Variants in TCEA3 observed in about 807,000 individuals in gnomAD.
The protein encoded by TCEA3 is transcription elongation factor A3, also known as transcription elongation factor A protein 3.
In TCEA3, 36 loss-of-function variants were observed where a neutral mutation model predicts 44.0. The observed-to-expected ratio is 0.82, with a 90% CI of 0.63 to 1.08. The LOEUF is 1.08. TCEA3 is among the 50% of genes least tolerant of loss of function. TCEA3 has a pLI of 0.00. For synonymous variants in TCEA3, 162 were observed against 159.7 expected, an observed-to-expected ratio of 1.01 and a Z score of -0.11; for missense variants, 392 against 441.2, an observed-to-expected ratio of 0.89 and a Z score of 1.00.
chr1:23,403,685 G>A (rs1333092061), intron 5 of TCEA3: 1 of 167,674 alleles, frequency 6.0e-6, no homozygotes, highest in East Asian at 1.6e-4. Context: ...AACTAGCAAA[G>A]GGTATAGTCA....
chr1:23,408,937 A>G (rs1443516681), intron 4 of TCEA3, among the ~76,000 whole-genome samples: 1 of 152,194 alleles, frequency 6.6e-6, no homozygotes, highest in African/African-American at 2.4e-5. Context: ...ATACAAGGGA[A>G]GGAAGTCGAT....
At position 23,387,313 on chromosome 1, in the gene TCEA3, T is replaced by C. The variant is rs369042101; in HGVS notation, c.926A>G (p.Gln309Arg). 177 of 1,614,000 alleles carry C rather than the reference T, an allele frequency of 1.1e-4. No homozygotes were observed. The highest frequency in any genetic ancestry group is 1.4e-4 in the Non-Finnish European group (170 of 1,179,878). ...GTTCTTCTTCTTGCATTTGCTGCAC[T>C]GGAAGAGGTCAGTGGTGGTGCCGCC... Reference protein sequence around the residue: ...KTGGTTTDLFQCSKCKKKNCT... With the variant: ...KTGGTTTDLFRCSKCKKKNCT... Residue 309 changes from glutamine (Q) to arginine (R), a missense_variant, in exon 9 of 11, where the codon CAG (glutamine) becomes CGG (arginine). Transcript: ENST00000450454.
intron 8 of TCEA3, among the ~76,000 whole-genome samples, chr1:23,392,402 A>ACCT (rs1639061906): frequency 3.3e-4 from 1 of 3,042 alleles, no homozygotes; most frequent in African/African-American, 2.1e-3. Flanking sequence ...CACACTCCAC[A>ACCT]CATCATCATG....
intron 10 of TCEA3, 153 bp downstream of exon 10, chr1:23,384,193 A>G: frequency 6.7e-7 from 1 of 1,489,322 alleles, no homozygotes; most frequent in South Asian, 1.4e-5. Context: ...CCCAACAGCA[A>G]TCCGCCACTA....
rs573124042 is a variant in TCEA3 at position 23,416,464 on chromosome 1, C to T, written c.380+785G>A. On this transcript the variant is annotated intron_variant, in intron 4 of 10. Transcript: ENST00000450454. ...ATTGTATAATACAGAAAGTAGAGAT[C>T]CTTTTAATTTATAATATATGTCTTG... Among the ~76,000 whole-genome samples the T allele has an allele frequency of 2.6e-5, 4 of 152,044 alleles. No individual in the cohort carries two copies. The East Asian group carries it at 7.7e-4, about 29-fold the overall frequency.
chr1:23,408,814 G>C (rs1459969995), intron 4 of TCEA3, 88 bp from the exon 5 acceptor site: 3 of 1,338,656 alleles, frequency 2.2e-6, no homozygotes, highest in Non-Finnish European at 2.1e-6. Flanking sequence ...CTGGGAAAAG[G>C]CCAGCTGGCT....
At chr1:23,386,920 C>CAGAGT (rs1638858095) in intron 9 of TCEA3, among the ~76,000 whole-genome samples, 1 of 152,150 alleles carries the variant, frequency 6.6e-6, no homozygotes, top group Admixed American at 6.5e-5. Flanking sequence ...CGGGGTTTCA[C>CAGAGT]CGTGTTTGCC....
chr1:23,402,578 C>A (rs1639430946), intron 5 of TCEA3, among the ~76,000 whole-genome samples: 1 of 152,236 alleles, frequency 6.6e-6, no homozygotes, highest in African/African-American at 2.4e-5. Flanking sequence ...TCTCAGCTCG[C>A]ATGAGGGAGG....
chr1:23,417,929 A>C lies in TCEA3; in HGVS notation c.213T>G (p.Leu71=). ...DKEVVSLAKV[L]IKNWKRLLDS... ...CTAGCAGCCGCTTCCAGTTTTTGAT[A>C]AGGACTTTGGCCAAGGACACCACCT... Residue 71 remains leucine, a synonymous_variant, in exon 3 of 11, where the codon CTT becomes CTG. Transcript: ENST00000450454. The C allele has an allele frequency of 6.2e-7, 1 of 1,614,060 alleles. No homozygotes were observed. Among genetic ancestry groups the C allele is most frequent in the Non-Finnish European group, 8.5e-7 (1 of 1,179,880 alleles).
intron 5 of TCEA3, among the ~76,000 whole-genome samples, chr1:23,408,153 G>C (rs1455098381): frequency 6.6e-6 from 1 of 152,090 alleles, no homozygotes; most frequent in East Asian, 1.9e-4. Context: ...GTAGAGGCGG[G>C]GTTTTGCCAT....
chr1:23,400,937 G>A (rs893787071), intron 5 of TCEA3, among the ~76,000 whole-genome samples: 17 of 152,200 alleles, frequency 1.1e-4, no homozygotes, highest in African/African-American at 3.9e-4. Context: ...TCAGGCTGTG[G>A]ACATGCTACT....
chr1:23,383,565 T>C, intron 10 of TCEA3: 1 of 976,622 alleles, frequency 1.0e-6, no homozygotes, highest in Non-Finnish European at 1.2e-6. Flanking sequence ...TCAGCATGAG[T>C]AGGGCAGAAT....
chr1:23,400,373 CT>C (rs67325313), intron 5 of TCEA3, among the ~76,000 whole-genome samples: 60 of 133,402 alleles, frequency 4.5e-4, no homozygotes, highest in African/African-American at 6.5e-4. Flanking sequence ...CCACACCAGG[CT>C]TTTTTTTTTT....
Position 23,417,999 on chromosome 1 carries a change from A to C in TCEA3, c.143T>G (p.Ile48Ser), listed in dbSNP as rs774578860. The change falls in exon 3 of 11, where the codon ATT becomes AGT. Residue 48 changes from isoleucine to serine, a missense_variant. Ile to Ser is a moderately radical substitution (Grantham distance 142). Transcript: ENST00000450454. The stretch of plus-strand genomic sequence containing the variant: ...GCGGACCCCATTAACAGCAACTCCA[A>C]TCCTGGTTGTCTGCAAAGTGAGAGG... ...MSIQLLQTTR[I>S]GVAVNGVRKH... 6.2e-7 allele frequency: 1 copy of C among 1,614,038 alleles called. No individual in the cohort carries two copies. Among genetic ancestry groups the C allele is most frequent in the Non-Finnish European group, 8.5e-7 (1 of 1,179,882 alleles).
chr1:23,404,044 A>T (rs1213376836), intron 5 of TCEA3: 1 of 692,452 alleles, frequency 1.4e-6, no homozygotes, highest in Non-Finnish European at 2.6e-6. Flanking sequence ...CCCGCACCGC[A>T]CCAGTCCTTA....
chr1:23,394,936 C>T (rs1639171862), intron 7 of TCEA3, among the ~76,000 whole-genome samples: 1 of 152,224 alleles, frequency 6.6e-6, no homozygotes, highest in Non-Finnish European at 1.5e-5. Context: ...CCACTCCCTC[C>T]ACCCTCTGGA....
At chr1:23,416,987 T>C (rs967644596) in intron 4 of TCEA3, among the ~76,000 whole-genome samples, 1 of 152,018 alleles carries the variant, frequency 6.6e-6, no homozygotes, top group Non-Finnish European at 1.5e-5. Flanking sequence ...TGTAGAGAAA[T>C]GCTGGAGGCC....
intron 8 of TCEA3, 42 bp from the exon 9 acceptor site, chr1:23,387,461 AG>A: frequency 6.5e-7 from 1 of 1,541,258 alleles, no homozygotes. Context: ...GAGGAGTTTC[AG>A]GGGCCCTGCC....
At chr1:23,411,608 G>A in intron 4 of TCEA3, 1 of 168,700 alleles carries the variant, frequency 5.9e-6, no homozygotes. Context: ...AACAGGCAAG[G>A]CAAGGGTTAA....
Sources: gnomAD v4.1 joint callset for allele counts (sites outside exome capture counted in the v4.1 genomes callset) on GRCh38, gnomAD v4.1.1 for gene constraint, MANE v1.5 for transcripts, NCBI Gene and HGNC (gene_info 2026-07-23, HGNC 2026-07-21) for gene names.